The following WWC2 variants were observed in gnomAD, a reference collection of about 807,000 sequenced individuals.
WWC2 encodes the protein protein WWC2.
WWC2 carries 101 observed loss-of-function variants against 138.5 expected under a neutral mutation model. The observed-to-expected ratio is 0.73, with a 90% CI of 0.62 to 0.86. The LOEUF (loss-of-function observed/expected upper bound fraction) is 0.86. Ranked by LOEUF, WWC2 falls within the 40% of genes least tolerant of loss-of-function variation. The pLI is 0.00. For synonymous variants in WWC2, 558 were observed against 538.4 expected, an observed-to-expected ratio of 1.04 and a Z score of -0.50; for missense variants, 1,420 against 1,419.4, an observed-to-expected ratio of 1.00 and a Z score of -0.01.
At chr4:183,276,972 T>TTTA (rs200128539) in intron 16 of WWC2, among the ~76,000 whole-genome samples, 1,764 of 150,364 alleles carry the variant, frequency 0.012, 7 homozygotes, top group Middle Eastern at 0.024. Flanking sequence ...TCATTTCTTT[T>TTTA]TTATTATTAT....
chr4:183,160,828 A>T (rs1475207189), intron 1 of WWC2, among the ~76,000 whole-genome samples: 2 of 152,190 alleles, frequency 1.3e-5, no homozygotes, highest in East Asian at 3.9e-4. Flanking sequence ...TCCAAGGATT[A>T]TTTAAGGTGG....
intron 1 of WWC2, among the ~76,000 whole-genome samples, chr4:183,154,186 A>G (rs549379506): frequency 8.5e-5 from 13 of 152,050 alleles, no homozygotes; most frequent in Non-Finnish European, 1.5e-5. Flanking sequence ...TTCATTATGG[A>G]CTCTGGAGAC....
chr4:183,187,594 G>A (rs1163655733), intron 1 of WWC2, among the ~76,000 whole-genome samples: 1 of 67,510 alleles, frequency 1.5e-5, no homozygotes, highest in Non-Finnish European at 3.2e-5. Context: ...TAATAGGCAT[G>A]GTGCGGTGGC....
intron 1 of WWC2, among the ~76,000 whole-genome samples, chr4:183,145,248 A>G (rs1327454751): frequency 1.3e-5 from 2 of 152,220 alleles, no homozygotes; most frequent in Admixed American, 6.5e-5. Flanking sequence ...TAGAATAACA[A>G]CTGCCTCATA....
At chr4:183,160,644 A>C (rs990198431) in intron 1 of WWC2, among the ~76,000 whole-genome samples, 1 of 152,188 alleles carries the variant, frequency 6.6e-6, no homozygotes, top group African/African-American at 2.4e-5. Flanking sequence ...ATTAAGGTAA[A>C]AGTATTGAAG....
chr4:183,145,533 G>T (rs1160435324), intron 1 of WWC2, among the ~76,000 whole-genome samples: 1 of 152,164 alleles, frequency 6.6e-6, no homozygotes, highest in Non-Finnish European at 1.5e-5. Context: ...AATGGGTTGG[G>T]CATAGTGGTC....
chr4:183,108,382 C>A (rs541770520), intron 1 of WWC2, among the ~76,000 whole-genome samples: 1 of 152,080 alleles, frequency 6.6e-6, no homozygotes, highest in Non-Finnish European at 1.5e-5. Flanking sequence ...GAGAAAAACA[C>A]CTACTGGATC....
chr4:183,113,544 G>GCA (rs1732318031), intron 1 of WWC2, among the ~76,000 whole-genome samples: 1 of 148,708 alleles, frequency 6.7e-6, no homozygotes, highest in Non-Finnish European at 1.5e-5. Context: ...ACATGCACGT[G>GCA]CATGCAAGAT....
rs187806681 is a variant in WWC2 at position 183,204,435 on chromosome 4, A to G, written c.242-3518A>G. ...AGAGGTAAAATACTTAGAGTCTCAC[A>G]TCTGGCTAGGTGGATATGGAACCCA... On this transcript the variant is annotated intron_variant, in intron 2 of 22. Transcript: ENST00000403733. 5.1e-4 allele frequency among the ~76,000 whole-genome samples: 77 copies of G among 152,314 alleles called. 1 individual carries two copies. In the East Asian group the frequency reaches 9.7e-3, roughly 19 times the overall value.
Position 183,195,599 on chromosome 4 carries a change from T to G in WWC2, c.241+1891T>G, listed in dbSNP as rs904455010. ...CCCACCATTTCTATTAATAAATGAT[T>G]CTTTTGTCTTAATGTATAAACACTG... On this transcript the variant is annotated intron_variant, in intron 2 of 22. Coordinates refer to ENST00000403733, the MANE Select transcript of WWC2 (RefSeq NM_024949.6). 3.3e-5 allele frequency among the ~76,000 whole-genome samples: 5 copies of G among 152,248 alleles called. No individual in the cohort carries two copies. The East Asian group carries it at 9.6e-4, about 29-fold the overall frequency.
At chr4:183,137,342 T>C (rs536418281) in intron 1 of WWC2, among the ~76,000 whole-genome samples, 62 of 152,180 alleles carry the variant, frequency 4.1e-4, no homozygotes, top group Non-Finnish European at 7.9e-4. Flanking sequence ...TTTCTTTGTG[T>C]CCTTGTTCTA....
intron 1 of WWC2, among the ~76,000 whole-genome samples, chr4:183,108,978 A>G (rs893704077): frequency 3.3e-5 from 5 of 152,222 alleles, no homozygotes; most frequent in Non-Finnish European, 5.9e-5. Context: ...TGTGGACTAT[A>G]TATGGCAACT....
intron 4 of WWC2, among the ~76,000 whole-genome samples, chr4:183,217,191 T>C (rs770902324): frequency 6.6e-6 from 1 of 152,196 alleles, no homozygotes; most frequent in Non-Finnish European, 1.5e-5. Context: ...GCACCAAGAA[T>C]GTAAAATTCA....
intron 16 of WWC2, among the ~76,000 whole-genome samples, chr4:183,278,293 T>C (rs1034462113): frequency 2.6e-5 from 4 of 152,008 alleles, no homozygotes; most frequent in Admixed American, 1.3e-4. Flanking sequence ...GTTGTAGATA[T>C]GTGGTGTTAT....
Position 183,276,064 on chromosome 4 carries a change from A to G in WWC2, c.2563-4712A>G, listed in dbSNP as rs190207032. On this transcript the variant is annotated intron_variant, in intron 16 of 22. Transcript: ENST00000403733. ...CAACTGAACCTTTTATCATTATAAA[A>G]TGTTCCTTTTTATTGCTAGCAATAC... Among the ~76,000 whole-genome samples the G allele has an allele frequency of 5.6e-3, 845 of 152,210 alleles. 6 individuals are homozygous for G. The highest frequency in any genetic ancestry group is 8.8e-3 in the Non-Finnish European group (599 of 67,966).
rs551310050 is a variant in WWC2, at chr4:183,261,208, G to T, written c.1585G>T (p.Ala529Ser). ...TGGACTCTGTGGAGTGGCAGCTGCA[G>T]CAACAGGCCACACTCCTCCACTGGC... ...QSGLCGVAAA[A>S]TGHTPPLAEA... The change falls in exon 11 of 23, where the codon GCA (alanine) becomes TCA (serine). Residue 529 changes from alanine (A) to serine (S), a missense_variant. Ala to Ser is a moderately conservative substitution (Grantham distance 99). Coordinates refer to ENST00000403733, the MANE Select transcript of WWC2 (RefSeq NM_024949.6). 1 of 1,612,954 alleles carries T rather than the reference G, an allele frequency of 6.2e-7. No individual in the cohort carries two copies. Among genetic ancestry groups the T allele is most frequent in the African/African-American group, 1.3e-5 (1 of 75,036 alleles).
At chr4:183,256,563 C>T (rs1337916551) in intron 9 of WWC2, among the ~76,000 whole-genome samples, 1 of 152,140 alleles carries the variant, frequency 6.6e-6, no homozygotes, top group Non-Finnish European at 1.5e-5. Flanking sequence ...AGAGAACGCC[C>T]TTGCCAGCAG....
chr4:183,237,533 A>G (rs1736465008), intron 4 of WWC2, among the ~76,000 whole-genome samples: 1 of 152,178 alleles, frequency 6.6e-6, no homozygotes, highest in Non-Finnish European at 1.5e-5. Context: ...AGCCTTCTCC[A>G]GGAGTTCCAC....
chr4:183,249,843 C>A, intron 7 of WWC2, 77 bp from the exon 8 acceptor site: 1 of 1,213,874 alleles, frequency 8.2e-7, no homozygotes, highest in Non-Finnish European at 1.2e-6. Context: ...ATTACACATA[C>A]TTCCCAGAAA....
Sources: allele counts gnomAD v4.1 joint callset (sites outside exome capture counted in the v4.1 genomes callset), GRCh38; gene constraint gnomAD v4.1.1; transcripts MANE v1.5; gene names NCBI Gene and HGNC (gene_info 2026-07-23, HGNC 2026-07-21).